IL33: variants seen among roughly 807,000 people sequenced by gnomAD.
The protein encoded by IL33 is interleukin-33.
A neutral mutation model predicts 27.3 loss-of-function variants in IL33; 37 were observed. That is an observed-to-expected ratio of 1.36 (90% CI 1.04 to 1.78). The LOEUF is 1.78. Among genes scored for constraint, IL33 ranks in the 40% most tolerant of loss-of-function variants. The pLI is 0.00. For missense variants in IL33, 406 were observed against 311.4 expected, an observed-to-expected ratio of 1.30 and a Z score of -2.29; for synonymous variants, 132 against 102.9, an observed-to-expected ratio of 1.28 and a Z score of -1.71.
intron 1 of IL33, among the ~76,000 whole-genome samples, chr9:6,220,747 G>C (rs897622230): frequency 2.6e-5 from 4 of 151,802 alleles, no homozygotes; most frequent in Non-Finnish European, 5.9e-5. Context: ...GTAAATTATT[G>C]TTATTGTTAT....
chr9:6,250,699 C>G (rs187894844), intron 3 of IL33, 100 bp downstream of exon 3: 13 of 1,373,882 alleles, frequency 9.5e-6, no homozygotes, highest in Non-Finnish European at 1.3e-5. Flanking sequence ...CTCCAAGGTT[C>G]CTTTTGGAAA....
chr9:6,252,946 A>G lies in IL33; in HGVS notation c.424A>G (p.Ser142Gly). ...QSITFALEDE[S>G]YEIYVEDLKK... ...CATTACTTTTGCTTTGGAGGATGAAAGTTATGAGATATATGTTGAAGACTT... is the reference window on the plus strand; with the variant it reads ...CATTACTTTTGCTTTGGAGGATGAAGGTTATGAGATATATGTTGAAGACTT... The change falls in exon 5 of 8, where the codon AGT (serine) becomes GGT (glycine). Residue 142 changes from serine to glycine, a missense_variant. Physicochemically the swap from Ser to Gly is moderately conservative, Grantham distance 56. Transcript: ENST00000682010. The G allele has an allele frequency of 6.3e-7, 1 of 1,595,514 alleles. No individual in the cohort carries two copies. Among genetic ancestry groups the G allele is most frequent in the Non-Finnish European group, 8.6e-7 (1 of 1,164,646 alleles).
At chr9:6,250,001 C>A (rs1046978390) in intron 2 of IL33, among the ~76,000 whole-genome samples, 1 of 151,928 alleles carries the variant, frequency 6.6e-6, no homozygotes, top group Non-Finnish European at 1.5e-5. Context: ...TAAAAGATAC[C>A]CCTCAATTAG....
chr9:6,245,102 A>C (rs1819755872), intron 2 of IL33, among the ~76,000 whole-genome samples: 1 of 152,086 alleles, frequency 6.6e-6, no homozygotes, highest in South Asian at 2.1e-4. Context: ...CCCCACATCC[A>C]TCAACACTTT....
chr9:6,243,573 T>C (rs1442419058), intron 2 of IL33, among the ~76,000 whole-genome samples: 8 of 152,200 alleles, frequency 5.3e-5, no homozygotes, highest in Non-Finnish European at 8.8e-5. Context: ...CAGGCTGGTC[T>C]TGAACTCCTG....
chr9:6,248,556 G>A (rs1207040459), intron 2 of IL33, among the ~76,000 whole-genome samples: 3 of 151,760 alleles, frequency 2.0e-5, no homozygotes, highest in African/African-American at 4.8e-5. Context: ...CTCTAGAAGT[G>A]TAAGAAATAA....
At chr9:6,218,430 G>C (rs1205463969) in intron 1 of IL33, among the ~76,000 whole-genome samples, 2 of 151,970 alleles carry the variant, frequency 1.3e-5, no homozygotes, top group Non-Finnish European at 2.9e-5. Flanking sequence ...AACAGGAAAT[G>C]TCACTCTTGG....
chr9:6,235,625 C>T (rs1373537143), intron 1 of IL33, among the ~76,000 whole-genome samples: 1 of 152,054 alleles, frequency 6.6e-6, no homozygotes, highest in Non-Finnish European at 1.5e-5. Flanking sequence ...AAATCACAGA[C>T]AAGGGTCTAA....
intron 1 of IL33, among the ~76,000 whole-genome samples, chr9:6,217,072 T>C (rs1026849528): frequency 6.6e-6 from 1 of 151,996 alleles, no homozygotes; most frequent in Non-Finnish European, 1.5e-5. Context: ...TGCTGCTGAT[T>C]GGTTGGGAAT....
intron 1 of IL33, among the ~76,000 whole-genome samples, chr9:6,235,331 C>A (rs1819140087): frequency 1.3e-5 from 2 of 152,208 alleles, no homozygotes; most frequent in African/African-American, 4.8e-5. Flanking sequence ...AGGCATGAGA[C>A]ACACACCCAG....
intron 1 of IL33, among the ~76,000 whole-genome samples, chr9:6,237,095 C>T (rs909791821): frequency 6.6e-6 from 1 of 152,118 alleles, no homozygotes; most frequent in East Asian, 1.9e-4. Flanking sequence ...ACTACAATTG[C>T]TGACTACAGG....
At chr9:6,235,218 T>C (rs907631086) in intron 1 of IL33, among the ~76,000 whole-genome samples, 5 of 152,080 alleles carry the variant, frequency 3.3e-5, no homozygotes, top group Non-Finnish European at 7.4e-5. Flanking sequence ...TTTTTAAAAA[T>C]TTTTTCTGTA....
Position 6,256,017 on chromosome 9 carries a change from A to G in IL33, c.662A>G (p.His221Arg). Residue 221 changes from histidine (H) to arginine (R), a missense_variant, in exon 8 of 8, where the codon CAT becomes CGT. Transcript: ENST00000682010. Reference sequence around the variant, plus strand: ...CCAGACCAGGCCTTCTTTGTCCTTCATAATATGCACTCCAACTGTGTTTCA... The same window carrying G: ...CCAGACCAGGCCTTCTTTGTCCTTCGTAATATGCACTCCAACTGTGTTTCA... ...PLPDQAFFVLHNMHSNCVSFE... is the reference protein window; with the variant it reads ...PLPDQAFFVLRNMHSNCVSFE... 6.2e-7 allele frequency: 1 copy of G among 1,613,776 alleles called. No individual in the cohort carries two copies. The highest frequency in any genetic ancestry group is 8.5e-7 in the Non-Finnish European group (1 of 1,179,718).
At position 6,257,561 on chromosome 9, in the gene IL33, T is replaced by C. The variant is rs554434442; in HGVS notation, c.*1393T>C. The C allele has an allele frequency of 2.6e-5, 4 of 152,618 alleles. No individual in the cohort carries two copies. The highest frequency in any genetic ancestry group is 5.9e-5 in the Non-Finnish European group (4 of 68,038). 9.5% of individuals were successfully genotyped at this position (152,618 alleles called of 1,614,324 possible). A position where few individuals can be genotyped will look rare whatever the true frequency, so the allele number is the denominator to read the frequency against. On this transcript the variant is annotated 3_prime_UTR_variant, in exon 8 of 8. Coordinates refer to ENST00000682010, the MANE Select transcript of IL33 (RefSeq NM_033439.4). ...CATTTTTTAACTACTAAAGGAGTAG[T>C]TTTTATTTTAAAGTCTTAGCAATTT...
intron 7 of IL33, among the ~76,000 whole-genome samples, chr9:6,254,880 A>C (rs1449609770): frequency 6.6e-6 from 1 of 152,144 alleles, no homozygotes; most frequent in Non-Finnish European, 1.5e-5. Context: ...CAGGAAATTC[A>C]TATGTGCCTT....
intron 1 of IL33, among the ~76,000 whole-genome samples, chr9:6,237,871 T>G (rs1264273321): frequency 6.6e-6 from 1 of 152,092 alleles, no homozygotes; most frequent in Non-Finnish European, 1.5e-5. Context: ...TTTATGTTAG[T>G]AAAGTGTTAC....
At chr9:6,234,654 T>A (rs143092075) in intron 1 of IL33, among the ~76,000 whole-genome samples, 1,587 of 152,258 alleles carry the variant, frequency 0.01, 13 homozygotes, top group Middle Eastern at 0.021. Flanking sequence ...CATCATTCCA[T>A]CCCCTCCTCG....
At chr9:6,228,825 T>A (rs1385533386) in intron 1 of IL33, among the ~76,000 whole-genome samples, 2 of 142,992 alleles carry the variant, frequency 1.4e-5, no homozygotes, top group Admixed American at 7.0e-5. Flanking sequence ...CCAGCCTAGG[T>A]GACAGAGCAA....
chr9:6,218,759 TATG>T, intron 1 of IL33, among the ~76,000 whole-genome samples: 7 of 126,494 alleles, frequency 5.5e-5, no homozygotes, highest in African/African-American at 2.0e-4. Flanking sequence ...CATATATATA[TATG>T]TTCTCCATAT....
Sources: allele counts gnomAD v4.1 joint callset (sites outside exome capture counted in the v4.1 genomes callset), GRCh38; gene constraint gnomAD v4.1.1; transcripts MANE v1.5; gene names NCBI Gene and HGNC (gene_info 2026-07-23, HGNC 2026-07-21).